CLINT1: variants seen among roughly 807,000 people sequenced by gnomAD.
The protein encoded by CLINT1 is clathrin interactor 1.
CLINT1 carries 15 observed loss-of-function variants against 70.4 expected under a neutral mutation model. The ratio of observed to expected loss-of-function variants is 0.21; its 90% CI spans 0.14 to 0.33. The LOEUF is 0.33. Among genes scored for constraint, CLINT1 ranks in the 10% least tolerant of loss-of-function variants. The probability of loss-of-function intolerance (pLI) is 1.00; values close to 1 mark genes in which losing one functional copy is unlikely to be tolerated. For missense variants in CLINT1, 615 were observed against 778.1 expected (o/e 0.79, Z 2.49); for synonymous variants, 227 against 254.7 (o/e 0.89, Z 1.04).
At chr5:157,815,038 A>G (rs959914118) in intron 3 of CLINT1, among the ~76,000 whole-genome samples, 1 of 151,958 alleles carries the variant, frequency 6.6e-6, no homozygotes, top group Non-Finnish European at 1.5e-5. Context: ...CTCAAAAAAA[A>G]AAAAAAAAAG....
chr5:157,817,452 T>G lies in CLINT1; in HGVS notation c.137A>C (p.Glu46Ala). 1 of 1,592,132 alleles carries G rather than the reference T, an allele frequency of 6.3e-7. No individual in the cohort carries two copies. The change falls in exon 2 of 12, where the codon GAG (glutamate) becomes GCG (alanine). Residue 46 changes from glutamate to alanine, a missense_variant. Physicochemically the swap from Glu to Ala is moderately radical, Grantham distance 107. Transcript: ENST00000411809. ...PWGPSGQLMG[E>A]IAKATFMYEQ... Reference sequence around the variant, plus strand: ...TCAAATTATCACTTACTTGGCAATCTCTCCCATGAGTTGCCCAGAAGGTCC... The same window carrying G: ...TCAAATTATCACTTACTTGGCAATCGCTCCCATGAGTTGCCCAGAAGGTCC...
chr5:157,788,942 G>A (rs896828086), intron 11 of CLINT1, among the ~76,000 whole-genome samples: 6 of 144,878 alleles, frequency 4.1e-5, no homozygotes, highest in African/African-American at 1.5e-4. Context: ...ACTCTAGCCT[G>A]GGCGACAGAG....
Position 157,830,796 on chromosome 5 carries a change from C to CTCTATATATA in CLINT1, c.42-13250_42-13249insTATATATAGA, listed in dbSNP as rs1300619885. Among the ~76,000 whole-genome samples, 118 of 85,696 alleles carry CTCTATATATA rather than the reference C, an allele frequency of 1.4e-3. 2 individuals carry two copies. The highest frequency in any genetic ancestry group is 5.1e-3 in the African/African-American group (101 of 19,628). 56.2% of individuals were successfully genotyped at this position (85,696 alleles called of 152,430 possible). A position where few individuals can be genotyped will look rare whatever the true frequency, so the allele number is the denominator to read the frequency against. On this transcript the variant is annotated intron_variant, in intron 1 of 11. Coordinates refer to ENST00000411809, the MANE Select transcript of CLINT1 (RefSeq NM_014666.4). Reference sequence around the variant, plus strand: ...TCTCTCTCTCTCTCTCTCTCTCTCTCTATATATATATATATATATAGAAAC... The same window carrying CTCTATATATA: ...TCTCTCTCTCTCTCTCTCTCTCTCTCTCTATATATATATATATATATATATATATAGAAAC...
Position 157,817,517 on chromosome 5 carries a change from G to T in CLINT1, c.72C>A (p.Ile24=). The T allele has an allele frequency of 1.9e-6, 3 of 1,603,600 alleles. No individual in the cohort carries two copies. Among genetic ancestry groups the T allele is most frequent in the East Asian group, 4.5e-5 (2 of 44,700 alleles). ...TCGTTGCCTCTCGAACCTTAGACTCGATCTCTGAATAATTCATAACAACAT... is the reference window on the plus strand; with the variant it reads ...TCGTTGCCTCTCGAACCTTAGACTCTATCTCTGAATAATTCATAACAACAT... The part of the protein sequence containing the change: ...ATNVVMNYSE[I]ESKVREATND... Residue 24 remains isoleucine, a synonymous_variant, in exon 2 of 12, where the codon ATC becomes ATA. Transcript: ENST00000411809.
intron 1 of CLINT1, among the ~76,000 whole-genome samples, chr5:157,829,504 T>C (rs1453705571): frequency 1.3e-5 from 2 of 152,084 alleles, no homozygotes; most frequent in African/African-American, 2.4e-5. Context: ...TAATGGTGCA[T>C]TGTGAGTCTC....
intron 1 of CLINT1, among the ~76,000 whole-genome samples, chr5:157,836,218 T>TAAATA (rs1763418605): frequency 6.6e-6 from 1 of 152,216 alleles, no homozygotes; most frequent in African/African-American, 2.4e-5. Flanking sequence ...GGCATTGTCC[T>TAAATA]AAGCCACGGA....
intron 1 of CLINT1, among the ~76,000 whole-genome samples, chr5:157,826,360 C>G (rs1472405577): frequency 6.6e-6 from 1 of 152,116 alleles, no homozygotes; most frequent in Non-Finnish European, 1.5e-5. Flanking sequence ...TTTACTGATT[C>G]TACATAGATT....
intron 7 of CLINT1, 109 bp from the exon 8 acceptor site, chr5:157,803,828 A>G (rs1189916460): frequency 4.4e-6 from 3 of 687,240 alleles, no homozygotes; most frequent in Admixed American, 3.5e-5. Flanking sequence ...AATTAGCTTA[A>G]TAAGGGTAGG....
chr5:157,843,059 G>C (rs1025262430), intron 1 of CLINT1, among the ~76,000 whole-genome samples: 2 of 151,754 alleles, frequency 1.3e-5, no homozygotes, highest in African/African-American at 4.8e-5. Flanking sequence ...AGAGCCCAAG[G>C]GTTTTATTTG....
chr5:157,796,610 C>G (rs1762074280), intron 8 of CLINT1, among the ~76,000 whole-genome samples: 2 of 152,180 alleles, frequency 1.3e-5, no homozygotes. Flanking sequence ...GGGCTGCACT[C>G]AAACACCACC....
rs1422439331 is a variant in CLINT1, at chr5:157,794,935, A to G, written c.1050T>C (p.Phe350=). 9 of 1,556,980 alleles carry G rather than the reference A, an allele frequency of 5.8e-6. No individual in the cohort carries two copies. Among genetic ancestry groups the G allele is most frequent in the Admixed American group, 1.9e-5 (1 of 51,596 alleles). ...AACTGCCTGATGCAGCAGCTGAGCC[A>G]AAGTCAGCAAATCCTCCGAATAAAT... is the stretch of plus-strand genomic sequence containing the variant. The part of the protein sequence containing the change: ...SADLFGGFAD[F]GSAAASGSFP... The change falls in exon 9 of 12, where the codon TTT becomes TTC. Residue 350 remains phenylalanine (F), a synonymous_variant. Coordinates refer to ENST00000411809, the MANE Select transcript of CLINT1 (RefSeq NM_014666.4).
chr5:157,844,681 GA>G (rs1009011609), intron 1 of CLINT1, among the ~76,000 whole-genome samples: 2 of 152,184 alleles, frequency 1.3e-5, no homozygotes, highest in Non-Finnish European at 2.9e-5. Flanking sequence ...AGAAAAATTG[GA>G]AAAAGTTGTG....
intron 1 of CLINT1, among the ~76,000 whole-genome samples, chr5:157,858,012 G>A (rs1458277080): frequency 6.6e-6 from 1 of 152,130 alleles, no homozygotes; most frequent in Non-Finnish European, 1.5e-5. Flanking sequence ...ATTTCCTGCT[G>A]GCCTAGAAGA....
At chr5:157,788,342 T>C (rs556642827) in intron 11 of CLINT1, among the ~76,000 whole-genome samples, 200 of 152,328 alleles carry the variant, frequency 1.3e-3, no homozygotes, top group African/African-American at 4.7e-3. Flanking sequence ...CTTTGACTTA[T>C]TCTATTTTTA....
chr5:157,811,165 T>G (rs1301830595), intron 5 of CLINT1, among the ~76,000 whole-genome samples: 6 of 152,214 alleles, frequency 3.9e-5, no homozygotes, highest in Non-Finnish European at 8.8e-5. Flanking sequence ...CCAAACTGAT[T>G]AGCATGGCAT....
intron 10 of CLINT1, chr5:157,790,381 T>C: frequency 3.5e-6 from 1 of 288,734 alleles, no homozygotes; most frequent in Non-Finnish European, 6.7e-6. Context: ...TGGAACAATG[T>C]AGGAGAAAGA....
chr5:157,787,266 GA>G lies in CLINT1; in HGVS notation c.*379del, dbSNP rs1304206385. 1 of 179,428 alleles carries G rather than the reference GA, an allele frequency of 5.6e-6. No homozygotes were observed. The highest frequency in any genetic ancestry group is 2.4e-5 in the African/African-American group (1 of 41,906). The allele number at this position is 179,428 out of a possible 1,614,324, so 11.1% of individuals were successfully genotyped here. A position where few individuals can be genotyped will look rare whatever the true frequency, so the allele number is the denominator to read the frequency against. On this transcript the variant is annotated 3_prime_UTR_variant, in exon 12 of 12. Transcript: ENST00000411809. The stretch of plus-strand genomic sequence containing the variant: ...ATTATGACAAGGCGATCCAGGGACA[GA>G]AAAATCAAGTTCCTCAGGAAAAGAA...
intron 9 of CLINT1, 59 bp downstream of exon 9, chr5:157,794,839 G>T: frequency 8.0e-7 from 1 of 1,251,436 alleles, no homozygotes; most frequent in Non-Finnish European, 1.1e-6. Context: ...GGGAATGGGA[G>T]TTGTTTTTAA....
intron 1 of CLINT1, 110 bp downstream of exon 1, chr5:157,858,820 G>A: frequency 1.7e-6 from 2 of 1,204,264 alleles, no homozygotes; most frequent in Non-Finnish European, 2.3e-6. Flanking sequence ...TGATGGGGCT[G>A]GCAGAGCCAG....
Sources: allele counts gnomAD v4.1 joint callset (sites outside exome capture counted in the v4.1 genomes callset), GRCh38; gene constraint gnomAD v4.1.1; transcripts MANE v1.5; gene names NCBI Gene and HGNC (gene_info 2026-07-23, HGNC 2026-07-21).